Variants in SCUBE1 observed in about 807,000 individuals in gnomAD.
SCUBE1 encodes signal peptide, CUB and EGF-like domain-containing protein 1.
SCUBE1 carries 59 observed loss-of-function variants against 124.4 expected under a neutral mutation model. That is an observed-to-expected ratio of 0.47 (90% CI 0.38 to 0.59). The LOEUF (loss-of-function observed/expected upper bound fraction) is 0.59, where lower values mean the gene tolerates loss of function less well. Among genes scored for constraint, SCUBE1 ranks in the 20% least tolerant of loss-of-function variants. The pLI is 0.00. For synonymous variants in SCUBE1, 545 were observed against 550.9 expected (o/e 0.99, Z 0.15); for missense variants, 1,150 against 1,371.2 (o/e 0.84, Z 2.55).
At chr22:43,261,039 G>C (rs1923853087) in intron 5 of SCUBE1, among the ~76,000 whole-genome samples, 1 of 152,274 alleles carries the variant, frequency 6.6e-6, no homozygotes, top group African/African-American at 2.4e-5. Flanking sequence ...CCCTCGGCCT[G>C]TCTTCTGCCT....
intron 3 of SCUBE1, among the ~76,000 whole-genome samples, chr22:43,291,969 A>T (rs975461143): frequency 1.3e-5 from 2 of 151,984 alleles, no homozygotes; most frequent in African/African-American, 4.8e-5. Flanking sequence ...CTGAAACCTC[A>T]GCTCTCAGTG....
intron 7 of SCUBE1, chr22:43,237,864 C>T (rs1055818050): frequency 5.9e-5 from 9 of 152,362 alleles, no homozygotes; most frequent in African/African-American, 1.9e-4. Context: ...GGGTACTGCC[C>T]AGCGCTGGGG....
At chr22:43,230,928 A>G (rs1922525990) in intron 8 of SCUBE1, among the ~76,000 whole-genome samples, 1 of 152,186 alleles carries the variant, frequency 6.6e-6, no homozygotes, top group Non-Finnish European at 1.5e-5. Flanking sequence ...AGACAAGGCC[A>G]CATGCTGCCC....
intron 1 of SCUBE1, among the ~76,000 whole-genome samples, chr22:43,341,519 A>G (rs1388667459): frequency 6.6e-6 from 1 of 152,168 alleles, no homozygotes; most frequent in Non-Finnish European, 1.5e-5. Flanking sequence ...CCTCACCCCT[A>G]ATCTCCCACC....
At chr22:43,308,479 C>T (rs879306499) in intron 3 of SCUBE1, among the ~76,000 whole-genome samples, 14 of 151,912 alleles carry the variant, frequency 9.2e-5, no homozygotes, top group Non-Finnish European at 1.5e-4. Flanking sequence ...TTTTTTTTTC[C>T]AGCAAGAAAT....
At chr22:43,316,424 C>G (rs968000293) in intron 3 of SCUBE1, among the ~76,000 whole-genome samples, 3 of 151,486 alleles carry the variant, frequency 2.0e-5, no homozygotes, top group Admixed American at 6.6e-5. Context: ...AACATACTCT[C>G]TCTATCATTT....
At position 43,298,445 on chromosome 22, in the gene SCUBE1, T is replaced by C. The variant is rs1925645088; in HGVS notation, c.350-7265A>G. Among the ~76,000 whole-genome samples, 4 of 152,254 alleles carry C rather than the reference T, an allele frequency of 2.6e-5. No homozygotes were observed. In the South Asian group the frequency reaches 8.3e-4, roughly 32 times the overall value. On this transcript the variant is annotated intron_variant, in intron 3 of 21. Coordinates refer to ENST00000360835, the MANE Select transcript of SCUBE1 (RefSeq NM_173050.5). ...GGTGGGAGATGAGGCGCATGAATGGTAAGGTCAGCTTTCCAGACCAGCAAG... is the reference window on the plus strand; with the variant it reads ...GGTGGGAGATGAGGCGCATGAATGGCAAGGTCAGCTTTCCAGACCAGCAAG...
At chr22:43,244,264 C>T (rs757471751) in intron 6 of SCUBE1, among the ~76,000 whole-genome samples, 16 of 152,354 alleles carry the variant, frequency 1.1e-4, no homozygotes, top group African/African-American at 3.6e-4. Flanking sequence ...GCAGGCCCCA[C>T]CTGCCTCCCC....
chr22:43,310,061 G>A (rs1293387586), intron 3 of SCUBE1, among the ~76,000 whole-genome samples: 1 of 152,120 alleles, frequency 6.6e-6, no homozygotes, highest in Non-Finnish European at 1.5e-5. Context: ...CGGCTTCCCA[G>A]GTAACAGAAT....
chr22:43,245,961 G>A (rs1923194019), intron 6 of SCUBE1, among the ~76,000 whole-genome samples: 1 of 152,200 alleles, frequency 6.6e-6, no homozygotes, highest in Admixed American at 6.5e-5. Flanking sequence ...GAAAGCAGAA[G>A]CCACTGGGAT....
chr22:43,323,168 T>A (rs1242645579), intron 2 of SCUBE1, among the ~76,000 whole-genome samples: 1 of 152,168 alleles, frequency 6.6e-6, no homozygotes, highest in African/African-American at 2.4e-5. Context: ...GAAAGTACTA[T>A]CCAATCATCC....
rs188314965 is a variant in SCUBE1 at position 43,280,350 on chromosome 22, C to T, written c.484+10696G>A. On this transcript the variant is annotated intron_variant, in intron 4 of 21. Coordinates refer to ENST00000360835, the MANE Select transcript of SCUBE1 (RefSeq NM_173050.5). ...ACCCGGGGCAGACAGAGGGCTCTGC[C>T]GAGAGTCAGCTCACCAAGTCTCTCA... is the stretch of plus-strand genomic sequence containing the variant. Among the ~76,000 whole-genome samples, 775 of 151,856 alleles carry T rather than the reference C, an allele frequency of 5.1e-3. 9 individuals are homozygous for T. The highest frequency in any genetic ancestry group is 0.018 in the African/African-American group (755 of 41,334).
In SCUBE1 at chr22:43,234,854, C is replaced by A. The variant is rs1400222513; in HGVS notation, c.845-2979G>T. ...GAGCTTCCCTTCCAGCCCGGCCAGG[C>A]TGCTTTGCCTCCTTTCTCCAGGCTG... On this transcript the variant is annotated intron_variant, in intron 7 of 21. Coordinates refer to ENST00000360835, the MANE Select transcript of SCUBE1 (RefSeq NM_173050.5). The surrounding 1 kb of genome is among the most constrained non-coding windows in gnomAD (Gnocchi z 4.4). Among the ~76,000 whole-genome samples the A allele has an allele frequency of 1.3e-5, 2 of 152,218 alleles. No homozygotes were observed. Among genetic ancestry groups the A allele is most frequent in the Non-Finnish European group, 2.9e-5 (2 of 68,034 alleles).
chr22:43,209,418 C>T (rs1306467507), intron 19 of SCUBE1, among the ~76,000 whole-genome samples: 1 of 152,234 alleles, frequency 6.6e-6, no homozygotes, highest in Non-Finnish European at 1.5e-5. Flanking sequence ...GCTCAGGGGC[C>T]TCCCAGGCAT....
In SCUBE1 at chr22:43,291,592, C is replaced by T. The variant is rs150534676; in HGVS notation, c.350-412G>A. Reference sequence around the variant, plus strand: ...CCCATCGCGCTGCACTACAGTGGTACGGTGGGCTCCCATGGCGCTGCGCTA... The same window carrying T: ...CCCATCGCGCTGCACTACAGTGGTATGGTGGGCTCCCATGGCGCTGCGCTA... On this transcript the variant is annotated intron_variant, in intron 3 of 21. Transcript: ENST00000360835. Among the ~76,000 whole-genome samples the T allele has an allele frequency of 5.5e-3, 832 of 152,100 alleles. 10 individuals are homozygous for T. Among genetic ancestry groups the T allele is most frequent in the African/African-American group, 0.019 (789 of 41,496 alleles).
chr22:43,233,232 C>T (rs548343983), intron 7 of SCUBE1, among the ~76,000 whole-genome samples: 1 of 152,246 alleles, frequency 6.6e-6, no homozygotes, highest in South Asian at 2.1e-4. Flanking sequence ...GGCGTGGTGG[C>T]GCATGCCTGT....
intron 3 of SCUBE1, among the ~76,000 whole-genome samples, chr22:43,312,521 G>T (rs1005509084): frequency 6.6e-6 from 1 of 152,054 alleles, no homozygotes; most frequent in African/African-American, 2.4e-5. Flanking sequence ...GGCCAGAGGG[G>T]TCTCAAGCTA....
intron 2 of SCUBE1, among the ~76,000 whole-genome samples, chr22:43,322,430 A>G (rs1052458654): frequency 2.6e-5 from 4 of 152,214 alleles, no homozygotes; most frequent in Admixed American, 6.5e-5. Flanking sequence ...GCTCAACTTT[A>G]ACTCATCAAC....
rs367780724 is a variant in SCUBE1, at chr22:43,227,514, G to C, written c.1085-18C>G. On this transcript the variant is annotated intron_variant, in intron 9 of 21. Transcript: ENST00000360835. Reference sequence around the variant, plus strand: ...GTCCACATCTGGAAGCACAGCGGGCGTAAGGGCAGAGGGGAGGCTGGCGGC... The same window carrying C: ...GTCCACATCTGGAAGCACAGCGGGCCTAAGGGCAGAGGGGAGGCTGGCGGC... 1.2e-6 allele frequency: 2 copies of C among 1,609,100 alleles called. No homozygotes were observed. Among genetic ancestry groups the C allele is most frequent in the Middle Eastern group, 1.7e-4 (1 of 6,050 alleles).
Sources: allele counts gnomAD v4.1 joint callset (sites outside exome capture counted in the v4.1 genomes callset), GRCh38; gene constraint gnomAD v4.1.1; non-coding constraint Gnocchi (gnomAD v3.1); transcripts MANE v1.5; gene names NCBI Gene and HGNC (gene_info 2026-07-23, HGNC 2026-07-21).